Variants in PSD observed in about 807,000 individuals in gnomAD.
PSD encodes the protein PH and SEC7 domain-containing protein 1.
Under a neutral mutation model 91.6 loss-of-function variants are expected in PSD, and 32 were observed. The ratio of observed to expected loss-of-function variants is 0.35; its 90% CI spans 0.26 to 0.47. The LOEUF (loss-of-function observed/expected upper bound fraction) is 0.47. PSD is among the 20% of genes least tolerant of loss of function. PSD has a pLI of 1.00. For synonymous variants in PSD, 532 were observed against 569.3 expected (o/e 0.93, Z 0.93); for missense variants, 1,099 against 1,373.9 (o/e 0.80, Z 3.16).
In PSD at chr10:102,415,158, C is replaced by T. The variant is rs1178411039; in HGVS notation, c.829G>A (p.Val277Met). Residue 277 changes from valine (V) to methionine (M), a missense_variant, in exon 4 of 17, where the codon GTG (valine) becomes ATG (methionine). This residue lies in a region of PSD where 631 missense variants were observed against 728.8 expected (regional missense o/e 0.87). Transcript: ENST00000020673. ...VGSRQGSGVAVGRAAKYSETD... is the reference protein window; with the variant it reads ...VGSRQGSGVAMGRAAKYSETD... The stretch of plus-strand genomic sequence containing the variant: ...TCGGAGTACTTGGCTGCTCGCCCCA[C>T]AGCCACCCCAGAGCCCTGCCTTGAG... 27 of 1,613,456 alleles carry T rather than the reference C, an allele frequency of 1.7e-5. No homozygotes were observed. Among genetic ancestry groups the T allele is most frequent in the Non-Finnish European group, 2.3e-5 (27 of 1,180,020 alleles).
At position 102,410,939 on chromosome 10, in the gene PSD, C is replaced by T. The variant is rs2061419051; in HGVS notation, c.2010G>A (p.Gly670=). The T allele has an allele frequency of 1.2e-6, 2 of 1,613,860 alleles. No individual in the cohort carries two copies. The highest frequency in any genetic ancestry group is 1.7e-6 in the Non-Finnish European group (2 of 1,179,728). The part of the protein sequence containing the change: ...LNTDLHGHNI[G]KRMTCGDFIG... ...TGAAGTCCCCGCAGGTCATGCGCTT[C>T]CCGATGTTCTAAGGAAGGGAACGGA... The change falls in exon 10 of 17, where the codon GGG becomes GGA. Residue 670 remains glycine (G), a synonymous_variant. Transcript: ENST00000020673. The surrounding 1 kb of genome is among the most constrained non-coding windows in gnomAD (Gnocchi z 6.0).
chr10:102,408,994 G>A, intron 10 of PSD: 1 of 987,332 alleles, frequency 1.0e-6, no homozygotes, highest in Non-Finnish European at 1.2e-6. Flanking sequence ...CGTAGCACAG[G>A]GTCTCCGCGC....
rs1021760102 is a variant in PSD, at chr10:102,403,719, A to C, written c.2844+123T>G. ...GTTATCCTTGTTGCACAGAGGAGGAAACTGAGGCTTAGGTTAAGCAACCTG... is the reference window on the plus strand; with the variant it reads ...GTTATCCTTGTTGCACAGAGGAGGACACTGAGGCTTAGGTTAAGCAACCTG... On this transcript the variant is annotated intron_variant, in intron 16 of 16. Coordinates refer to ENST00000020673, the MANE Select transcript of PSD (RefSeq NM_002779.5). This position sits in a 1 kb window ranked among gnomAD's most constrained non-coding sequence, Gnocchi z 6.7. 1.6e-5 allele frequency: 21 copies of C among 1,279,478 alleles called. No homozygotes were observed. Among genetic ancestry groups the C allele is most frequent in the Non-Finnish European group, 2.1e-5 (20 of 944,958 alleles). 79.3% of individuals were successfully genotyped at this position (1,279,478 alleles called of 1,614,324 possible).
intron 11 of PSD, 109 bp downstream of exon 11, chr10:102,407,114 A>G: frequency 1.0e-6 from 1 of 981,514 alleles, no homozygotes; most frequent in Non-Finnish European, 1.4e-6. Flanking sequence ...ATGGCCTCTC[A>G]CTCCCCTCCC....
chr10:102,409,242 G>T lies in PSD; in HGVS notation c.2091+1616C>A. 1 of 984,450 alleles carries T rather than the reference G, an allele frequency of 1.0e-6. No individual in the cohort carries two copies. The highest frequency in any genetic ancestry group is 1.2e-6 in the Non-Finnish European group (1 of 829,472). The allele number at this position is 984,450 out of a possible 1,614,324, so 61.0% of individuals were successfully genotyped here. On this transcript the variant is annotated intron_variant, in intron 10 of 16. Transcript: ENST00000020673. The surrounding 1 kb of genome is among the most constrained non-coding windows in gnomAD (Gnocchi z 5.7). ...GCCGGCCCGGCTCTCACGGACGCAC[G>T]GAGTGCGCGGCGGCGGCGGCGGCGC...
chr10:102,413,421 C>T (rs533240772), intron 5 of PSD, among the ~76,000 whole-genome samples: 2 of 152,092 alleles, frequency 1.3e-5, no homozygotes, highest in Non-Finnish European at 2.9e-5. Context: ...AGCCTTCAGG[C>T]TGGGTGAGGG....
intron 5 of PSD, 34 bp downstream of exon 5, chr10:102,413,735 G>A (rs2061446389): frequency 3.8e-6 from 6 of 1,568,664 alleles, no homozygotes; most frequent in Non-Finnish European, 5.2e-6. Flanking sequence ...AGCCCTGGGG[G>A]CCTCAAGTCT....
rs180925483 is a variant in PSD at position 102,409,808 on chromosome 10, A to G, written c.2091+1050T>C. Among the ~76,000 whole-genome samples, 1 of 152,142 alleles carries G rather than the reference A, an allele frequency of 6.6e-6. No individual in the cohort carries two copies. The highest frequency in any genetic ancestry group is 1.9e-4 in the East Asian group (1 of 5,172). ...TAGAATCTTTAGCTCACAAAGATAC[A>G]CCCCCTACTCAGAGGCATATGGCAT... On this transcript the variant is annotated intron_variant, in intron 10 of 16. Transcript: ENST00000020673. This position sits in a 1 kb window ranked among gnomAD's most constrained non-coding sequence, Gnocchi z 5.7.
Position 102,405,850 on chromosome 10 carries a change from C to A in PSD, c.2136-314G>T. On this transcript the variant is annotated intron_variant, in intron 11 of 16. Transcript: ENST00000020673. This position sits in a 1 kb window ranked among gnomAD's most constrained non-coding sequence, Gnocchi z 5.4. ...CTCACACCCTTCTCCACCAGGACAG[C>A]CCCGGGCCTGCCTCCGCTGGCTCAA... 3.3e-6 allele frequency: 1 copy of A among 305,422 alleles called. No homozygotes were observed. The highest frequency in any genetic ancestry group is 6.1e-6 in the Non-Finnish European group (1 of 163,116). The allele number at this position is 305,422 out of a possible 1,614,324, so 18.9% of individuals were successfully genotyped here. A position where few individuals can be genotyped will look rare whatever the true frequency, so the allele number is the denominator to read the frequency against.
In PSD at chr10:102,413,880, C is replaced by A; in HGVS notation, c.1442G>T (p.Arg481Ile). Residue 481 changes from arginine to isoleucine, a missense_variant, in exon 5 of 17, where the codon AGA (arginine) becomes ATA (isoleucine). This residue lies in a region of PSD where 631 missense variants were observed against 728.8 expected (regional missense o/e 0.87). Transcript: ENST00000020673. ...SSAADGPWTQ[R>I]GEEEEAEARA... ...GGCCTCTGCCTCCTCCTCCTCCCCT[C>A]TCTGTGTCCAAGGACCATCAGCAGC... The A allele has an allele frequency of 6.2e-7, 1 of 1,614,082 alleles. No homozygotes were observed. The highest frequency in any genetic ancestry group is 8.5e-7 in the Non-Finnish European group (1 of 1,179,966).
chr10:102,406,067 A>C (rs1213398654), intron 11 of PSD: 1 of 154,658 alleles, frequency 6.5e-6, no homozygotes, highest in Non-Finnish European at 1.4e-5. Flanking sequence ...GTTACTTCCC[A>C]TATGGAGCCT....
intron 1 of PSD, among the ~76,000 whole-genome samples, chr10:102,417,345 T>C (rs994515116): frequency 1.3e-5 from 2 of 152,048 alleles, no homozygotes; most frequent in African/African-American, 4.8e-5. Context: ...TCCTTCTGCC[T>C]GAGGCCCTGA....
At position 102,409,360 on chromosome 10, in the gene PSD, G is replaced by T. The variant is rs889882289; in HGVS notation, c.2091+1498C>A. On this transcript the variant is annotated intron_variant, in intron 10 of 16. Transcript: ENST00000020673. This position sits in a 1 kb window ranked among gnomAD's most constrained non-coding sequence, Gnocchi z 5.7. The stretch of plus-strand genomic sequence containing the variant: ...GGCGGGGACCGCATGAAATGGAGGC[G>T]CCCGATCGCGAAGGGGGCCCTCCCC... The T allele has an allele frequency of 3.5e-5, 34 of 985,092 alleles. No individual in the cohort carries two copies. The highest frequency in any genetic ancestry group is 6.0e-6 in the Non-Finnish European group (5 of 829,704). 61.0% of individuals were successfully genotyped at this position (985,092 alleles called of 1,614,324 possible).
At chr10:102,407,126 T>C in intron 11 of PSD, 97 bp downstream of exon 11, 4 of 867,296 alleles carry the variant, frequency 4.6e-6, no homozygotes, top group Non-Finnish European at 6.9e-6. Context: ...TCCCCTCCCC[T>C]ACCCCCACCC....
Position 102,413,841 on chromosome 10 carries a change from G to T in PSD, c.1481C>A (p.Ala494Asp), listed in dbSNP as rs750817565. The stretch of plus-strand genomic sequence containing the variant: ...GGGACTAGGGGGCTCCCTCCCTGGG[G>T]CCAGCTTGGCTCTGGCCTCTGCCTC... ...EEEAEARAKLAPGREPPSPCH... is the reference protein window; with the variant it reads ...EEEAEARAKLDPGREPPSPCH... The change falls in exon 5 of 17, where the codon GCC becomes GAC. Residue 494 changes from alanine to aspartate, a missense_variant. Physicochemically the swap from Ala to Asp is moderately radical, Grantham distance 126 (BLOSUM62 -2). This residue lies in a region of PSD where 631 missense variants were observed against 728.8 expected (regional missense o/e 0.87). Transcript: ENST00000020673. 1 of 1,614,024 alleles carries T rather than the reference G, an allele frequency of 6.2e-7. No homozygotes were observed. Among genetic ancestry groups the T allele is most frequent in the South Asian group, 1.1e-5 (1 of 91,082 alleles).
At chr10:102,418,340 C>G (rs1244368782) in intron 1 of PSD, among the ~76,000 whole-genome samples, 1 of 152,124 alleles carries the variant, frequency 6.6e-6, no homozygotes, top group African/African-American at 2.4e-5. Context: ...CTCCAGTGCA[C>G]ACAGAGGTCC....
At position 102,403,308 on chromosome 10, in the gene PSD, A is replaced by C; in HGVS notation, c.2967T>G (p.Pro989=). 1.2e-6 allele frequency: 2 copies of C among 1,614,068 alleles called. No homozygotes were observed. The highest frequency in any genetic ancestry group is 1.7e-6 in the Non-Finnish European group (2 of 1,179,974). The change falls in exon 17 of 17, where the codon CCT becomes CCG. Residue 989 remains proline, a synonymous_variant. Coordinates refer to ENST00000020673, the MANE Select transcript of PSD (RefSeq NM_002779.5). This position sits in a 1 kb window ranked among gnomAD's most constrained non-coding sequence, Gnocchi z 6.7. ...QAGSTEDGLP[P]SHSSPSLQPK... ...GCTGCAGGGAGGGACTGGAGTGAGA[A>C]GGAGGGAGTCCATCCTCTGTGCTCC...
In PSD at chr10:102,409,293, C is replaced by A; in HGVS notation, c.2091+1565G>T. 1 of 985,312 alleles carries A rather than the reference C, an allele frequency of 1.0e-6. No individual in the cohort carries two copies. The highest frequency in any genetic ancestry group is 1.2e-6 in the Non-Finnish European group (1 of 829,646). The allele number at this position is 985,312 out of a possible 1,614,324, so 61.0% of individuals were successfully genotyped here. On this transcript the variant is annotated intron_variant, in intron 10 of 16. Transcript: ENST00000020673. The surrounding 1 kb of genome is among the most constrained non-coding windows in gnomAD (Gnocchi z 5.7). ...TGTCTGCTCTGCGGCTTGGCTAGAGCGGGAGGGGGGCGCCGACGGGAAAGG... is the reference window on the plus strand; with the variant it reads ...TGTCTGCTCTGCGGCTTGGCTAGAGAGGGAGGGGGGCGCCGACGGGAAAGG...
At chr10:102,415,583 C>T (rs1295614410) in intron 3 of PSD, among the ~76,000 whole-genome samples, 1 of 152,110 alleles carries the variant, frequency 6.6e-6, no homozygotes, top group Non-Finnish European at 1.5e-5. Context: ...AGGGATCCTC[C>T]CACCCAACCT....
Sources: gnomAD v4.1 joint callset for allele counts (sites outside exome capture counted in the v4.1 genomes callset) on GRCh38, gnomAD v4.1.1 for gene constraint, gnomAD v4.1.1 regional missense constraint, Gnocchi (gnomAD v3.1) non-coding constraint, MANE v1.5 for transcripts, NCBI Gene and HGNC (gene_info 2026-07-23, HGNC 2026-07-21) for gene names.